The following SLC9A1 variants were observed in gnomAD, a reference collection of about 807,000 sequenced individuals.
SLC9A1 encodes the protein sodium/hydrogen exchanger 1.
A neutral mutation model predicts 67.9 loss-of-function variants in SLC9A1; 22 were observed. That is an observed-to-expected ratio of 0.32 (90% CI 0.23 to 0.46). SLC9A1 has a LOEUF of 0.46. Among genes scored for constraint, SLC9A1 ranks in the 20% least tolerant of loss-of-function variants. The pLI, the probability that SLC9A1 is intolerant of heterozygous loss-of-function variation, is 1.00. For synonymous variants in SLC9A1, 421 were observed against 471.8 expected (o/e 0.89, Z 1.40); for missense variants, 686 against 1,094.8 (o/e 0.63, Z 5.27).
chr1:27,114,356 G>A lies in SLC9A1; in HGVS notation c.353-70C>T. ...CCAGGAGAATAGAAGGTTGGGGATGGGCCGGGGATGAGGAGCGCAGTTGGT... is the reference window on the plus strand; with the variant it reads ...CCAGGAGAATAGAAGGTTGGGGATGAGCCGGGGATGAGGAGCGCAGTTGGT... On this transcript the variant is annotated intron_variant, in intron 1 of 11. Coordinates refer to ENST00000263980, the MANE Select transcript of SLC9A1 (RefSeq NM_003047.5). This position sits in a 1 kb window ranked among gnomAD's most constrained non-coding sequence, Gnocchi z 5.4. 7.6e-7 allele frequency: 1 copy of A among 1,320,872 alleles called. No homozygotes were observed. The highest frequency in any genetic ancestry group is 1.5e-5 in the African/African-American group (1 of 68,438). 81.8% of individuals were successfully genotyped at this position (1,320,872 alleles called of 1,614,324 possible). A position where few individuals can be genotyped will look rare whatever the true frequency, so the allele number is the denominator to read the frequency against.
chr1:27,146,042 T>C (rs2083482988), intron 1 of SLC9A1, among the ~76,000 whole-genome samples: 1 of 152,222 alleles, frequency 6.6e-6, no homozygotes, highest in Non-Finnish European at 1.5e-5. Context: ...TTTGGCCCAG[T>C]GCAGTGTGTG....
In SLC9A1 at chr1:27,106,733, G is replaced by A. The variant is rs984985497; in HGVS notation, c.1283-646C>T. 2.6e-5 allele frequency among the ~76,000 whole-genome samples: 4 copies of A among 151,986 alleles called. No homozygotes were observed. The highest frequency in any genetic ancestry group is 4.8e-5 in the African/African-American group (2 of 41,340). On this transcript the variant is annotated intron_variant, in intron 4 of 11. Transcript: ENST00000263980. This position sits in a 1 kb window ranked among gnomAD's most constrained non-coding sequence, Gnocchi z 4.3. ...GGGGCCTGGTCCCCACGTGTGCCCC[G>A]GCCTGCTGCATAGGTTTGGAGGACT...
intron 1 of SLC9A1, among the ~76,000 whole-genome samples, chr1:27,142,934 G>T (rs1215410405): frequency 6.6e-6 from 1 of 150,974 alleles, no homozygotes; most frequent in Non-Finnish European, 1.5e-5. Context: ...CCTCCTCCAA[G>T]GATTCATCCC....
chr1:27,104,273 G>C (rs1482399250), intron 5 of SLC9A1, among the ~76,000 whole-genome samples: 3 of 152,048 alleles, frequency 2.0e-5, no homozygotes, highest in Non-Finnish European at 4.4e-5. Context: ...GTAGAAACAG[G>C]GTTTCACCAT....
Position 27,106,595 on chromosome 1 carries a change from G to A in SLC9A1, c.1283-508C>T, listed in dbSNP as rs1003450577. Among the ~76,000 whole-genome samples, 4 of 152,124 alleles carry A rather than the reference G, an allele frequency of 2.6e-5. No individual in the cohort carries two copies. The highest frequency in any genetic ancestry group is 9.7e-5 in the African/African-American group (4 of 41,418). On this transcript the variant is annotated intron_variant, in intron 4 of 11. Transcript: ENST00000263980. The surrounding 1 kb of genome is among the most constrained non-coding windows in gnomAD (Gnocchi z 4.3). Reference sequence around the variant, plus strand: ...ACCAAATAAATGTGAGGTCCTGCCAGGCTTGGGGACATGGACCTAACCCTC... The same window carrying A: ...ACCAAATAAATGTGAGGTCCTGCCAAGCTTGGGGACATGGACCTAACCCTC...
intron 1 of SLC9A1, among the ~76,000 whole-genome samples, chr1:27,141,765 G>T (rs1293354263): frequency 6.6e-6 from 1 of 152,220 alleles, no homozygotes; most frequent in Non-Finnish European, 1.5e-5. Context: ...GCTGTAACCT[G>T]AGTCTTAGGC....
At chr1:27,148,427 A>G (rs117628066) in intron 1 of SLC9A1, among the ~76,000 whole-genome samples, 1 of 152,120 alleles carries the variant, frequency 6.6e-6, no homozygotes, top group East Asian at 1.9e-4. Context: ...CAGGTTACCA[A>G]TGTGGATGTG....
At chr1:27,102,308 C>T in intron 8 of SLC9A1, 77 bp downstream of exon 8, 1 of 1,498,420 alleles carries the variant, frequency 6.7e-7, no homozygotes, top group Non-Finnish European at 9.1e-7. Context: ...GACCCCGCCC[C>T]CCAGGTGGCC....
chr1:27,120,788 T>C (rs1473756280), intron 1 of SLC9A1, among the ~76,000 whole-genome samples: 1 of 152,036 alleles, frequency 6.6e-6, no homozygotes, highest in Non-Finnish European at 1.5e-5. Flanking sequence ...ACTGGACACT[T>C]GGAGAATCTG....
At chr1:27,150,212 C>G (rs922368008) in intron 1 of SLC9A1, among the ~76,000 whole-genome samples, 4 of 152,164 alleles carry the variant, frequency 2.6e-5, no homozygotes, top group African/African-American at 4.8e-5. Context: ...TGGGCAGTGA[C>G]CCCATCTCCC....
chr1:27,133,697 T>C (rs906954620), intron 1 of SLC9A1, among the ~76,000 whole-genome samples: 1 of 151,890 alleles, frequency 6.6e-6, no homozygotes, highest in African/African-American at 2.4e-5. Flanking sequence ...CCAGAGGATG[T>C]TGGGCATACT....
At chr1:27,139,727 G>A (rs193051976) in intron 1 of SLC9A1, among the ~76,000 whole-genome samples, 3 of 152,192 alleles carry the variant, frequency 2.0e-5, no homozygotes, top group Non-Finnish European at 4.4e-5. Context: ...CATGATCTGT[G>A]GCTCTGTGTC....
intron 1 of SLC9A1, among the ~76,000 whole-genome samples, chr1:27,134,447 G>A (rs181261196): frequency 6.6e-6 from 1 of 152,120 alleles, no homozygotes; most frequent in African/African-American, 2.4e-5. Context: ...GTATCTCTCC[G>A]AGGGTCCTCC....
chr1:27,125,227 C>G (rs1557747399), intron 1 of SLC9A1, among the ~76,000 whole-genome samples: 13 of 142,280 alleles, frequency 9.1e-5, no homozygotes. Flanking sequence ...TTCCTTCCTT[C>G]CTTTTCTTTC....
Position 27,101,239 on chromosome 1 carries a change from C to G in SLC9A1, c.2074G>C (p.Asp692His). 1 of 1,612,174 alleles carries G rather than the reference C, an allele frequency of 6.2e-7. No individual in the cohort carries two copies. Among genetic ancestry groups the G allele is most frequent in the Non-Finnish European group, 8.5e-7 (1 of 1,179,958 alleles). ...NYLTVPAHKL[D>H]SPTMSRARIG... is the part of the protein sequence containing the mutation. ...CGGGCCCGAGACATGGTGGGTGAGT[C>G]CAGCTTGTGGGCTGGCACCGTCAGG... Residue 692 changes from aspartate to histidine, a missense_variant, in exon 11 of 12, where the codon GAC becomes CAC. By Grantham distance (81) the Asp-to-His change is moderately conservative (BLOSUM62 -1). Around this residue, in one of 7 missense-constraint regions of SLC9A1, gnomAD observed 226 missense variants for 282.4 expected, o/e 0.80. Transcript: ENST00000263980. This position sits in a 1 kb window ranked among gnomAD's most constrained non-coding sequence, Gnocchi z 4.9.
chr1:27,126,979 C>G (rs779605938), intron 1 of SLC9A1, among the ~76,000 whole-genome samples: 19 of 151,850 alleles, frequency 1.3e-4, no homozygotes, highest in Non-Finnish European at 1.9e-4. Flanking sequence ...GAGTGTGGTA[C>G]AGGTAGAAGA....
intron 1 of SLC9A1, among the ~76,000 whole-genome samples, chr1:27,132,309 A>G (rs2083391609): frequency 6.6e-6 from 1 of 152,116 alleles, no homozygotes; most frequent in Non-Finnish European, 1.5e-5. Flanking sequence ...TGGAGAGGAA[A>G]GAACACTGTC....
intron 5 of SLC9A1, chr1:27,105,528 C>T (rs2083177467): frequency 5.0e-6 from 3 of 603,528 alleles, no homozygotes; most frequent in Non-Finnish European, 9.0e-6. Flanking sequence ...AAACTCCTGA[C>T]CTCAGGTGAT....
chr1:27,153,079 T>C (rs1429685595), intron 1 of SLC9A1, among the ~76,000 whole-genome samples: 3 of 152,124 alleles, frequency 2.0e-5, no homozygotes, highest in African/African-American at 7.2e-5. Flanking sequence ...GGGAGACCAA[T>C]ACTCTGAGAG....
Sources: allele counts gnomAD v4.1 joint callset (sites outside exome capture counted in the v4.1 genomes callset), GRCh38; gene constraint gnomAD v4.1.1; regional missense constraint gnomAD v4.1.1; non-coding constraint Gnocchi (gnomAD v3.1); transcripts MANE v1.5; gene names NCBI Gene and HGNC (gene_info 2026-07-23, HGNC 2026-07-21).